Variants in FTO observed in about 807,000 individuals in gnomAD.
FTO encodes alpha-ketoglutarate-dependent dioxygenase FTO.
FTO carries 47 observed loss-of-function variants against 63.9 expected under a neutral mutation model. That is an observed-to-expected ratio of 0.74 (90% CI 0.58 to 0.94). FTO has a LOEUF of 0.94. Ranked by LOEUF, FTO falls within the 40% of genes least tolerant of loss-of-function variation. The pLI is 0.00. For synonymous variants in FTO, 207 were observed against 224.4 expected (o/e 0.92, Z 0.69); for missense variants, 562 against 618.1 (o/e 0.91, Z 0.96).
At chr16:53,821,265 T>C (rs1161422960) in intron 2 of FTO, among the ~76,000 whole-genome samples, 1 of 152,196 alleles carries the variant, frequency 6.6e-6, no homozygotes, top group East Asian at 1.9e-4. Context: ...TTTATTGTTT[T>C]ATACTAAGGA....
Position 53,705,670 on chromosome 16 carries a change from T to G in FTO, c.45+1441T>G, listed in dbSNP as rs768178505. ...GACCAGAAGTTTTCATGCTTGAGTC[T>G]GCATATGATGTGGATAATATATTAA... On this transcript the variant is annotated intron_variant, in intron 1 of 8. Transcript: ENST00000471389. Among the ~76,000 whole-genome samples, 4 of 152,230 alleles carry G rather than the reference T, an allele frequency of 2.6e-5. No homozygotes were observed. The South Asian group carries it at 8.3e-4, about 31-fold the overall frequency.
At chr16:53,906,068 A>G (rs1459463469) in intron 7 of FTO, among the ~76,000 whole-genome samples, 1 of 152,234 alleles carries the variant, frequency 6.6e-6, no homozygotes, top group African/African-American at 2.4e-5. Flanking sequence ...CATCTATATC[A>G]AAGACACTTC....
chr16:53,888,367 A>T (rs1290123993), intron 6 of FTO, among the ~76,000 whole-genome samples: 3 of 152,038 alleles, frequency 2.0e-5, no homozygotes, highest in Non-Finnish European at 4.4e-5. Flanking sequence ...CTGCCAATTT[A>T]TTTTTAAAAA....
intron 8 of FTO, among the ~76,000 whole-genome samples, chr16:53,974,859 A>T (rs915538426): frequency 2.0e-5 from 3 of 152,228 alleles, no homozygotes; most frequent in African/African-American, 4.8e-5. Context: ...TCCTCAAGTT[A>T]CATCCAGAAA....
At chr16:53,858,728 T>G (rs1213138690) in intron 4 of FTO, among the ~76,000 whole-genome samples, 1 of 151,818 alleles carries the variant, frequency 6.6e-6, no homozygotes, top group East Asian at 1.9e-4. Flanking sequence ...TGGTGGGATC[T>G]CGGCTCACTG....
rs543828864 is a variant in FTO at position 53,823,365 on chromosome 16, T to A, written c.124-2499T>A. Among the ~76,000 whole-genome samples the A allele has an allele frequency of 1.9e-3, 291 of 152,294 alleles. 2 individuals carry two copies. Among genetic ancestry groups the A allele is most frequent in the Non-Finnish European group, 3.2e-3 (220 of 68,024 alleles). ...ATAGCTTTGGTCTCCTTTTGATATT[T>A]GTACTGTTTCCCTAGGTGATCTCAT... On this transcript the variant is annotated intron_variant, in intron 2 of 8. Coordinates refer to ENST00000471389, the MANE Select transcript of FTO (RefSeq NM_001080432.3).
At chr16:54,105,325 T>C (rs2086727267) in intron 8 of FTO, among the ~76,000 whole-genome samples, 1 of 152,218 alleles carries the variant, frequency 6.6e-6, no homozygotes, top group Non-Finnish European at 1.5e-5. Flanking sequence ...TTTGCTTCTT[T>C]CCTCTGAAAT....
At chr16:53,909,936 G>A (rs1407594648) in intron 7 of FTO, among the ~76,000 whole-genome samples, 2 of 151,944 alleles carry the variant, frequency 1.3e-5, no homozygotes, top group East Asian at 1.9e-4. Context: ...AGAGTACAGT[G>A]GTATAATCAT....
intron 4 of FTO, among the ~76,000 whole-genome samples, chr16:53,861,402 T>A (rs1022092827): frequency 2.0e-5 from 3 of 152,230 alleles, no homozygotes; most frequent in African/African-American, 4.8e-5. Flanking sequence ...TGCTATTATT[T>A]TAAATGTCAT....
At chr16:53,804,242 C>G (rs1294027800) in intron 1 of FTO, among the ~76,000 whole-genome samples, 1 of 152,144 alleles carries the variant, frequency 6.6e-6, no homozygotes, top group Non-Finnish European at 1.5e-5. Flanking sequence ...GTTATACAGA[C>G]CCCTGCCTCA....
intron 2 of FTO, among the ~76,000 whole-genome samples, chr16:53,820,011 CTT>C (rs35719505): frequency 1.7e-4 from 24 of 138,796 alleles, no homozygotes; most frequent in Admixed American, 1.5e-4. Context: ...TCTTCTTCTT[CTT>C]TTTTTTTTTT....
At position 53,936,042 on chromosome 16, in the gene FTO, A is replaced by G. The variant is rs1436811445; in HGVS notation, c.1364+1933A>G. Reference sequence around the variant, plus strand: ...TTTTGTTGAGTGCATTTGGTTTGTTAACAATAATTTTTTAATACACCAAAT... The same window carrying G: ...TTTTGTTGAGTGCATTTGGTTTGTTGACAATAATTTTTTAATACACCAAAT... On this transcript the variant is annotated intron_variant, in intron 8 of 8. Coordinates refer to ENST00000471389, the MANE Select transcript of FTO (RefSeq NM_001080432.3). 2.0e-5 allele frequency among the ~76,000 whole-genome samples: 3 copies of G among 152,212 alleles called. No homozygotes were observed. In the East Asian group the frequency reaches 5.8e-4, roughly 29 times the overall value.
intron 1 of FTO, among the ~76,000 whole-genome samples, chr16:53,764,670 T>C (rs965263569): frequency 1.3e-5 from 2 of 152,104 alleles, no homozygotes; most frequent in African/African-American, 4.8e-5. Context: ...AAATGCAAAA[T>C]GTTAGAAATG....
chr16:53,843,471 A>T (rs2079531502), intron 3 of FTO, among the ~76,000 whole-genome samples: 1 of 152,176 alleles, frequency 6.6e-6, no homozygotes, highest in African/African-American at 2.4e-5. Context: ...ATATTTTTAT[A>T]TGTTTATGAG....
At chr16:53,866,865 G>T (rs1288609351) in intron 4 of FTO, among the ~76,000 whole-genome samples, 1 of 151,726 alleles carries the variant, frequency 6.6e-6, no homozygotes, top group Non-Finnish European at 1.5e-5. Context: ...TTATCTCATC[G>T]AGGTGCATTA....
intron 8 of FTO, among the ~76,000 whole-genome samples, chr16:54,028,715 A>T (rs1168044148): frequency 6.6e-6 from 1 of 152,172 alleles, no homozygotes; most frequent in East Asian, 1.9e-4. Context: ...TTTATTGTAT[A>T]CACTATATAC....
intron 8 of FTO, among the ~76,000 whole-genome samples, chr16:54,107,572 A>G (rs1270750837): frequency 6.6e-6 from 1 of 152,222 alleles, no homozygotes; most frequent in East Asian, 1.9e-4. Flanking sequence ...ACTACGCTGT[A>G]TCAACCACAA....
At chr16:54,013,899 C>G (rs1374431702) in intron 8 of FTO, among the ~76,000 whole-genome samples, 2 of 152,122 alleles carry the variant, frequency 1.3e-5, no homozygotes, top group Non-Finnish European at 2.9e-5. Flanking sequence ...TGGAACTGAA[C>G]CTGCAATATT....
At chr16:54,037,852 T>G (rs1013637843) in intron 8 of FTO, among the ~76,000 whole-genome samples, 2 of 152,214 alleles carry the variant, frequency 1.3e-5, no homozygotes, top group African/African-American at 4.8e-5. Context: ...TATGCATATA[T>G]CAACTAGGCT....
Sources: allele counts gnomAD v4.1 joint callset (sites outside exome capture counted in the v4.1 genomes callset), GRCh38; gene constraint gnomAD v4.1.1; transcripts MANE v1.5; gene names NCBI Gene and HGNC (gene_info 2026-07-23, HGNC 2026-07-21).